The following MYO3B variants were observed in gnomAD, a reference collection of about 807,000 sequenced individuals.
MYO3B encodes myosin IIIB.
A neutral mutation model predicts 174.6 loss-of-function variants in MYO3B; 156 were observed. The ratio of observed to expected loss-of-function variants is 0.89; its 90% CI spans 0.78 to 1.02. The LOEUF (loss-of-function observed/expected upper bound fraction) is 1.02, where lower values mean the gene tolerates loss of function less well. Ranked by LOEUF, MYO3B falls within the 50% of genes least tolerant of loss-of-function variation. MYO3B has a pLI of 0.00. For missense variants in MYO3B, 1,632 were observed against 1,639.4 expected, an observed-to-expected ratio of 1.00 and a Z score of 0.08; for synonymous variants, 563 against 569.1, an observed-to-expected ratio of 0.99 and a Z score of 0.15.
intron 30 of MYO3B, among the ~76,000 whole-genome samples, chr2:170,537,213 AAAC>A (rs386391801): frequency 0.57 from 62,344 of 109,288 alleles, 17,061 homozygotes; most frequent in East Asian, 0.63. Flanking sequence ...AAAAAAAAAA[AAAC>A]AAAAAACAAA....
intron 32 of MYO3B, among the ~76,000 whole-genome samples, chr2:170,635,573 C>G (rs536335638): frequency 4.6e-5 from 7 of 152,150 alleles, no homozygotes; most frequent in African/African-American, 1.7e-4. Flanking sequence ...TGTAACAAAC[C>G]TGCACATTGT....
At chr2:170,364,172 A>G (rs1316798113) in intron 8 of MYO3B, among the ~76,000 whole-genome samples, 2 of 152,170 alleles carry the variant, frequency 1.3e-5, no homozygotes, top group African/African-American at 4.8e-5. Flanking sequence ...AAATCATGCG[A>G]CTAATTGCTT....
chr2:170,599,244 G>C (rs1031569614), intron 32 of MYO3B, among the ~76,000 whole-genome samples: 1 of 152,104 alleles, frequency 6.6e-6, no homozygotes, highest in Admixed American at 6.6e-5. Flanking sequence ...AATACTGTTC[G>C]TACTGGTAGC....
chr2:170,346,836 A>C (rs2094020207), intron 8 of MYO3B, among the ~76,000 whole-genome samples: 1 of 152,110 alleles, frequency 6.6e-6, no homozygotes, highest in Non-Finnish European at 1.5e-5. Context: ...TCAACTGATC[A>C]CCTCCCTGCA....
At chr2:170,238,790 C>T (rs1301674085) in intron 7 of MYO3B, among the ~76,000 whole-genome samples, 2 of 151,906 alleles carry the variant, frequency 1.3e-5, no homozygotes, top group East Asian at 1.9e-4. Context: ...TGGGTATTGT[C>T]AGGAAATAGG....
chr2:170,545,401 T>A (rs553163140), intron 32 of MYO3B, among the ~76,000 whole-genome samples: 7 of 152,224 alleles, frequency 4.6e-5, no homozygotes, highest in Non-Finnish European at 1.0e-4. Context: ...AGTGTCTGGC[T>A]CATAGTAAGT....
intron 7 of MYO3B, among the ~76,000 whole-genome samples, chr2:170,283,257 C>A (rs965883227): frequency 2.0e-5 from 3 of 152,104 alleles, no homozygotes; most frequent in Admixed American, 6.6e-5. Context: ...GTTATAGGAG[C>A]CTAAGGTGAG....
intron 21 of MYO3B, among the ~76,000 whole-genome samples, chr2:170,406,005 G>A (rs1049578975): frequency 7.9e-5 from 12 of 151,942 alleles, no homozygotes; most frequent in African/African-American, 2.7e-4. Context: ...TATCACAGTG[G>A]GACTCAATTT....
At chr2:170,523,579 C>A (rs1575113545) in intron 30 of MYO3B, among the ~76,000 whole-genome samples, 1 of 152,262 alleles carries the variant, frequency 6.6e-6, no homozygotes, top group Non-Finnish European at 1.5e-5. Context: ...TCCCTCGAGA[C>A]AAAAGGTCCA....
intron 14 of MYO3B, among the ~76,000 whole-genome samples, chr2:170,389,390 C>A (rs2094397315): frequency 6.6e-6 from 1 of 152,204 alleles, no homozygotes; most frequent in African/African-American, 2.4e-5. Flanking sequence ...CACAGCCCAT[C>A]AGTGACTGCA....
chr2:170,600,042 T>A (rs148548029), intron 32 of MYO3B, among the ~76,000 whole-genome samples: 1 of 152,248 alleles, frequency 6.6e-6, no homozygotes, highest in Admixed American at 6.5e-5. Context: ...CAGTGATGGC[T>A]CTGGGAAGGC....
chr2:170,190,207 G>C (rs1593237), intron 1 of MYO3B, among the ~76,000 whole-genome samples: 134,898 of 151,726 alleles, frequency 0.89, 60,055 homozygotes, highest in East Asian at 1. Flanking sequence ...CAGAGTCTCT[G>C]TCTCTCTCTT....
intron 6 of MYO3B, among the ~76,000 whole-genome samples, chr2:170,228,960 CAAAAAA>C (rs539746576): frequency 2.0e-5 from 2 of 98,324 alleles, no homozygotes; most frequent in African/African-American, 6.8e-5. Flanking sequence ...ATTCCCTTTA[CAAAAAA>C]AAAAAAAAAA....
At chr2:170,642,779 C>G (rs1698078176) in intron 32 of MYO3B, among the ~76,000 whole-genome samples, 2 of 152,070 alleles carry the variant, frequency 1.3e-5, no homozygotes, top group African/African-American at 4.8e-5. Context: ...ATTTGGAAAT[C>G]TGAGCTACCA....
intron 7 of MYO3B, among the ~76,000 whole-genome samples, chr2:170,328,480 G>T (rs1400871800): frequency 6.6e-6 from 1 of 152,034 alleles, no homozygotes; most frequent in East Asian, 1.9e-4. Context: ...CTCTGAAATT[G>T]CTCACTGAGC....
intron 32 of MYO3B, among the ~76,000 whole-genome samples, chr2:170,589,108 G>A (rs1693665661): frequency 6.6e-6 from 1 of 151,998 alleles, no homozygotes; most frequent in Non-Finnish European, 1.5e-5. Flanking sequence ...GAAACTACAG[G>A]AGAAGATGAA....
At chr2:170,190,089 C>T (rs1216386816) in intron 1 of MYO3B, among the ~76,000 whole-genome samples, 1 of 152,208 alleles carries the variant, frequency 6.6e-6, no homozygotes, top group Admixed American at 6.5e-5. Context: ...GTGGTTCTTG[C>T]AGACTCATAT....
At chr2:170,424,717 C>G (rs1457697748) in intron 22 of MYO3B, among the ~76,000 whole-genome samples, 1 of 152,192 alleles carries the variant, frequency 6.6e-6, no homozygotes, top group East Asian at 1.9e-4. Context: ...TCACCATCTT[C>G]CCCTAACACA....
chr2:170,402,773 T>C, intron 18 of MYO3B, 75 bp from the exon 19 acceptor site: 2 of 1,396,002 alleles, frequency 1.4e-6, no homozygotes, highest in Non-Finnish European at 1.9e-6. Context: ...GATAAGCACT[T>C]GGGCACATAT....
Sources: allele counts gnomAD v4.1 joint callset (sites outside exome capture counted in the v4.1 genomes callset), GRCh38; gene constraint gnomAD v4.1.1; transcripts MANE v1.5; gene names NCBI Gene and HGNC (gene_info 2026-07-23, HGNC 2026-07-21).